Variants in LRFN5 observed in about 807,000 individuals in gnomAD.
LRFN5 encodes leucine-rich repeat and fibronectin type-III domain-containing protein 5.
Under a neutral mutation model 45.6 loss-of-function variants are expected in LRFN5, and 24 were observed. The observed-to-expected ratio is 0.53, with a 90% CI of 0.38 to 0.74. The LOEUF (loss-of-function observed/expected upper bound fraction) is 0.74. Ranked by LOEUF, LRFN5 falls within the 30% of genes least tolerant of loss-of-function variation. The pLI is 0.00. For missense variants in LRFN5, 776 were observed against 861.5 expected (o/e 0.90, Z 1.24); for synonymous variants, 340 against 313.8 (o/e 1.08, Z -0.88).
chr14:41,703,579 G>A (rs1212029082), intron 1 of LRFN5, among the ~76,000 whole-genome samples: 2 of 151,830 alleles, frequency 1.3e-5, no homozygotes, highest in South Asian at 2.1e-4. Flanking sequence ...CAGCAAAAGT[G>A]TTTTCTTTAA....
At chr14:41,853,579 C>T (rs1404456880) in intron 2 of LRFN5, among the ~76,000 whole-genome samples, 2 of 151,630 alleles carry the variant, frequency 1.3e-5, no homozygotes, top group African/African-American at 4.8e-5. Flanking sequence ...CATTAGGTTT[C>T]CATTTTGGAT....
chr14:41,610,429 T>C (rs543816481), intron 1 of LRFN5, among the ~76,000 whole-genome samples: 3 of 151,998 alleles, frequency 2.0e-5, no homozygotes, highest in African/African-American at 7.2e-5. Flanking sequence ...CTTGCTCTCC[T>C]CGGTTTGATC....
chr14:41,672,315 G>A lies in LRFN5; in HGVS notation c.-197+63753G>A, dbSNP rs184628433. Among the ~76,000 whole-genome samples, 18 of 152,098 alleles carry A rather than the reference G, an allele frequency of 1.2e-4. No homozygotes were observed. The East Asian group carries it at 1.9e-3, about 16-fold the overall frequency. ...TCTCCGATAGGTTCCTTTGTGTCTC[G>A]TGTAAGATATCATTCCTCCTTCTCT... On this transcript the variant is annotated intron_variant, in intron 1 of 5. Transcript: ENST00000298119.
intron 1 of LRFN5, among the ~76,000 whole-genome samples, chr14:41,729,696 CTT>C (rs1884086428): frequency 6.6e-6 from 1 of 151,794 alleles, no homozygotes; most frequent in Admixed American, 6.6e-5. Context: ...ACATTTATAT[CTT>C]AAGTAGTTCT....
chr14:41,829,803 T>TA (rs112304516), intron 2 of LRFN5, among the ~76,000 whole-genome samples: 6 of 151,018 alleles, frequency 4.0e-5, no homozygotes, highest in African/African-American at 1.5e-4. Flanking sequence ...ACTTTTTTTT[T>TA]AAATTTCTGC....
intron 2 of LRFN5, among the ~76,000 whole-genome samples, chr14:41,818,835 A>G (rs1406141546): frequency 1.3e-5 from 2 of 152,106 alleles, no homozygotes; most frequent in Admixed American, 6.6e-5. Flanking sequence ...TGTATCTATC[A>G]CCTGAATAGT....
chr14:41,652,132 TA>T (rs1180673065), intron 1 of LRFN5, among the ~76,000 whole-genome samples: 1 of 152,108 alleles, frequency 6.6e-6, no homozygotes, highest in Non-Finnish European at 1.5e-5. Flanking sequence ...GACTGATGTA[TA>T]GATAAATGAA....
At chr14:41,803,286 G>T (rs1012759653) in intron 2 of LRFN5, among the ~76,000 whole-genome samples, 2 of 152,096 alleles carry the variant, frequency 1.3e-5, no homozygotes, top group East Asian at 1.9e-4. Context: ...ACTACATACC[G>T]TACCTACAGT....
At chr14:41,670,256 G>GAT (rs1165968461) in intron 1 of LRFN5, among the ~76,000 whole-genome samples, 207 of 45,732 alleles carry the variant, frequency 4.5e-3, no homozygotes, top group Non-Finnish European at 5.6e-3. Context: ...CATACACACA[G>GAT]ATATATATAT....
chr14:41,820,357 T>C (rs907427957), intron 2 of LRFN5, among the ~76,000 whole-genome samples: 2 of 152,136 alleles, frequency 1.3e-5, no homozygotes, highest in African/African-American at 2.4e-5. Flanking sequence ...TCTAGCACCA[T>C]TTATCAAATA....
chr14:41,758,474 A>G (rs1885509229), intron 1 of LRFN5, among the ~76,000 whole-genome samples: 1 of 152,146 alleles, frequency 6.6e-6, no homozygotes, highest in South Asian at 2.1e-4. Context: ...ACTGTATTTC[A>G]TTTTGACAGT....
At chr14:41,895,226 C>T (rs534501595) in intron 4 of LRFN5, among the ~76,000 whole-genome samples, 55 of 152,236 alleles carry the variant, frequency 3.6e-4, no homozygotes, top group Admixed American at 2.0e-3. Flanking sequence ...AAGCATCTAA[C>T]GTAGCCCCAA....
chr14:41,621,125 T>G, intron 1 of LRFN5, among the ~76,000 whole-genome samples: 1 of 152,078 alleles, frequency 6.6e-6, no homozygotes, highest in East Asian at 1.9e-4. Context: ...CATTTGAGGA[T>G]ACACGAAAAA....
intron 1 of LRFN5, among the ~76,000 whole-genome samples, chr14:41,623,485 T>C (rs1379668277): frequency 6.6e-6 from 1 of 152,148 alleles, no homozygotes; most frequent in Admixed American, 6.6e-5. Flanking sequence ...AAATTCTCTG[T>C]ATTTGAGTTC....
intron 4 of LRFN5, among the ~76,000 whole-genome samples, chr14:41,895,531 G>C (rs1172992680): frequency 6.6e-6 from 1 of 151,966 alleles, no homozygotes; most frequent in Non-Finnish European, 1.5e-5. Flanking sequence ...AGGCTGAGGT[G>C]GGAAAATCGC....
At chr14:41,859,764 T>G (rs530909130) in intron 2 of LRFN5, among the ~76,000 whole-genome samples, 1 of 152,300 alleles carries the variant, frequency 6.6e-6, no homozygotes, top group South Asian at 2.1e-4. Flanking sequence ...TCTTTTTGCT[T>G]CTCTTGAATA....
At chr14:41,674,195 CG>C (rs1415691279) in intron 1 of LRFN5, among the ~76,000 whole-genome samples, 44 of 131,270 alleles carry the variant, frequency 3.4e-4, no homozygotes, top group Non-Finnish European at 5.1e-4. Flanking sequence ...GCTGGCCGGG[CG>C]GGGGGCTGAC....
intron 4 of LRFN5, chr14:41,893,390 ATTTTG>A (rs1204740774): frequency 3.0e-6 from 3 of 984,768 alleles, no homozygotes; most frequent in African/African-American, 3.5e-5. Flanking sequence ...AAGAGGTTTT[ATTTTG>A]TTTTGTTTTG....
chr14:41,678,693 G>A (rs1881748889), intron 1 of LRFN5, among the ~76,000 whole-genome samples: 1 of 152,184 alleles, frequency 6.6e-6, no homozygotes, highest in Non-Finnish European at 1.5e-5. Context: ...AGAGCAAGAT[G>A]TCTGAATAGA....
Sources: allele counts gnomAD v4.1 joint callset (sites outside exome capture counted in the v4.1 genomes callset), GRCh38; gene constraint gnomAD v4.1.1; transcripts MANE v1.5; gene names NCBI Gene and HGNC (gene_info 2026-07-23, HGNC 2026-07-21).